Variants in ANKRD23 observed in about 807,000 individuals in gnomAD.
The protein encoded by ANKRD23 is ankyrin repeat domain-containing protein 23.
A neutral mutation model predicts 38.1 loss-of-function variants in ANKRD23; 52 were observed. That is an observed-to-expected ratio of 1.36 (90% CI 1.09 to 1.72). ANKRD23 has a LOEUF of 1.72. ANKRD23 is among the 40% of genes most tolerant of loss of function. ANKRD23 has a pLI of 0.00. For missense variants in ANKRD23, 416 were observed against 400.2 expected (o/e 1.04, Z -0.34); for synonymous variants, 167 against 162.9 (o/e 1.03, Z -0.19).
At position 96,838,789 on chromosome 2, in the gene ANKRD23, G is replaced by A. The variant is rs965224995; in HGVS notation, c.*760C>T. The A allele has an allele frequency of 9.1e-6, 9 of 985,432 alleles. No individual in the cohort carries two copies. The African/African-American group carries it at 1.4e-4, about 15-fold the overall frequency. The allele number at this position is 985,432 out of a possible 1,614,324, so 61.0% of individuals were successfully genotyped here. ...AGCGGGGCCAGTACACAGTGGGTGC[G>A]AGGCTTCTCTCAAATGCGCGCTCCA... On this transcript the variant is annotated 3_prime_UTR_variant, in exon 9 of 9. Transcript: ENST00000318357.
rs2079768324 is a variant in ANKRD23, at chr2:96,842,091, A to G, written c.269T>C (p.Val90Ala). Reference sequence around the variant, plus strand: ...CAGGGGCTCAGGTTTCCTGGGGGGGACTCTGTGTCTCAGTCGCTTTTTCCG... The same window carrying G: ...CAGGGGCTCAGGTTTCCTGGGGGGGGCTCTGTGTCTCAGTCGCTTTTTCCG... ...QRRKKRLRHR[V>A]PPRKPEPLVK... Residue 90 changes from valine (V) to alanine (A), a missense_variant, in exon 3 of 9, where the codon GTC (valine) becomes GCC (alanine). Coordinates refer to ENST00000318357, the MANE Select transcript of ANKRD23 (RefSeq NM_144994.8). The G allele has an allele frequency of 6.2e-7, 1 of 1,613,434 alleles. No homozygotes were observed.
chr2:96,841,158 C>A, intron 3 of ANKRD23: 1 of 454,214 alleles, frequency 2.2e-6, no homozygotes, highest in Non-Finnish European at 3.9e-6. Context: ...ACCCCAGGTA[C>A]CTCAGAATGT....
In ANKRD23 at chr2:96,840,796, G is replaced by A; in HGVS notation, c.417C>T (p.Ala139=). The A allele has an allele frequency of 6.2e-7, 1 of 1,614,168 alleles. No individual in the cohort carries two copies. Among genetic ancestry groups the A allele is most frequent in the Non-Finnish European group, 8.5e-7 (1 of 1,180,036 alleles). Residue 139 remains alanine (A), a synonymous_variant, in exon 4 of 9, where the codon GCC becomes GCT. Coordinates refer to ENST00000318357, the MANE Select transcript of ANKRD23 (RefSeq NM_144994.8). The stretch of plus-strand genomic sequence containing the variant: ...ACCCAACCTGTGCTACCTTGTCATG[G>A]GCATTGGGGTCCCCTCCGTCTGTCA... ...KYLTDGGDPN[A]HDKLHRTALH...
At position 96,838,769 on chromosome 2, in the gene ANKRD23, G is replaced by A; in HGVS notation, c.*780C>T. On this transcript the variant is annotated 3_prime_UTR_variant, in exon 9 of 9. Coordinates refer to ENST00000318357, the MANE Select transcript of ANKRD23 (RefSeq NM_144994.8). ...CGGTGTGCCAGGCCGGCCTGAGCGG[G>A]GCCAGTACACAGTGGGTGCGAGGCT... is the stretch of plus-strand genomic sequence containing the variant. 2.0e-6 allele frequency: 2 copies of A among 985,630 alleles called. No homozygotes were observed. Among genetic ancestry groups the A allele is most frequent in the Non-Finnish European group, 2.4e-6 (2 of 830,088 alleles). The allele number at this position is 985,630 out of a possible 1,614,324, so 61.1% of individuals were successfully genotyped here. A position where few individuals can be genotyped will look rare whatever the true frequency, so the allele number is the denominator to read the frequency against.
At position 96,840,868 on chromosome 2, in the gene ANKRD23, G is replaced by A. The variant is rs749699327; in HGVS notation, c.345C>T (p.Phe115=). Reference sequence around the variant, plus strand: ...CCTGGTTCTCAGCAGCTGCCTTCAGGAACATCTCCAGGCCCACAGGCTCCA... The same window carrying A: ...CCTGGTTCTCAGCAGCTGCCTTCAGAAACATCTCCAGGCCCACAGGCTCCA... ...AQVEPVGLEM[F]LKAAAENQEY... is the part of the protein sequence containing the mutation. The change falls in exon 4 of 9, where the codon TTC becomes TTT. Residue 115 remains phenylalanine (F), a synonymous_variant. Coordinates refer to ENST00000318357, the MANE Select transcript of ANKRD23 (RefSeq NM_144994.8). 17 of 1,614,034 alleles carry A rather than the reference G, an allele frequency of 1.1e-5. No homozygotes were observed. The highest frequency in any genetic ancestry group is 1.4e-5 in the Non-Finnish European group (16 of 1,180,046).
chr2:96,844,000 C>A lies in ANKRD23; in HGVS notation c.-8G>T. 6 of 1,600,206 alleles carry A rather than the reference C, an allele frequency of 3.7e-6. No individual in the cohort carries two copies. The highest frequency in any genetic ancestry group is 2.3e-5 in the East Asian group (1 of 43,446). ...AATGCTGATGAAGTCCATGGTCCCC[C>A]CTGTTCCTCACACCCCCCAGTGAGA... On this transcript the variant is annotated 5_prime_UTR_variant, in exon 1 of 9. Coordinates refer to ENST00000318357, the MANE Select transcript of ANKRD23 (RefSeq NM_144994.8).
chr2:96,839,688 C>T, intron 8 of ANKRD23, 39 bp downstream of exon 8: 2 of 1,594,674 alleles, frequency 1.3e-6, no homozygotes, highest in Non-Finnish European at 1.7e-6. Flanking sequence ...GCGCTCCACC[C>T]GCCCTCGGGT....
At chr2:96,840,654 C>T in intron 4 of ANKRD23, 133 bp downstream of exon 4, 1 of 1,515,528 alleles carries the variant, frequency 6.6e-7, no homozygotes, top group Non-Finnish European at 9.0e-7. Context: ...TCTCCTCCGT[C>T]TGCAGGTGCC....
chr2:96,838,463 A>C lies in ANKRD23; in HGVS notation c.*1086T>G. The C allele has an allele frequency of 1.0e-6, 1 of 985,752 alleles. No homozygotes were observed. The highest frequency in any genetic ancestry group is 1.2e-6 in the Non-Finnish European group (1 of 829,228). 61.1% of individuals were successfully genotyped at this position (985,752 alleles called of 1,614,324 possible). A position where few individuals can be genotyped will look rare whatever the true frequency, so the allele number is the denominator to read the frequency against. On this transcript the variant is annotated 3_prime_UTR_variant, in exon 9 of 9. Coordinates refer to ENST00000318357, the MANE Select transcript of ANKRD23 (RefSeq NM_144994.8). ...TCCTTAGACCACCAGGGAGCAGGGA[A>C]GGGATGGGAAGGGCTGGGGGGCGGC...
rs1212230182 is a variant in ANKRD23 at position 96,839,529 on chromosome 2, G to A, written c.*20C>T. 4.2e-6 allele frequency: 6 copies of A among 1,427,680 alleles called. No individual in the cohort carries two copies. In the African/African-American group the frequency reaches 4.4e-5, roughly 10 times the overall value. The allele number at this position is 1,427,680 out of a possible 1,614,324, so 88.4% of individuals were successfully genotyped here. ...GGAATGGTGGCAGTGCGAAAGGCGCGGCGGGGGGCGGTGCTGCGGTCAGCA... is the reference window on the plus strand; with the variant it reads ...GGAATGGTGGCAGTGCGAAAGGCGCAGCGGGGGGCGGTGCTGCGGTCAGCA... On this transcript the variant is annotated 3_prime_UTR_variant, in exon 9 of 9. Transcript: ENST00000318357.
chr2:96,841,951 A>T, intron 3 of ANKRD23, 109 bp downstream of exon 3: 1 of 1,502,822 alleles, frequency 6.7e-7, no homozygotes. Context: ...TGGGCTCCCC[A>T]GGCACTGGCT....
intron 4 of ANKRD23, 105 bp downstream of exon 4, chr2:96,840,682 A>G: frequency 6.4e-7 from 1 of 1,552,772 alleles, no homozygotes; most frequent in South Asian, 1.2e-5. Context: ...TCATGCCCAT[A>G]AGAGTGAAAA....
At position 96,838,505 on chromosome 2, in the gene ANKRD23, C is replaced by T; in HGVS notation, c.*1044G>A. 2.0e-6 allele frequency: 2 copies of T among 986,084 alleles called. No homozygotes were observed. Among genetic ancestry groups the T allele is most frequent in the Non-Finnish European group, 2.4e-6 (2 of 830,214 alleles). The allele number at this position is 986,084 out of a possible 1,614,324, so 61.1% of individuals were successfully genotyped here. A position where few individuals can be genotyped will look rare whatever the true frequency, so the allele number is the denominator to read the frequency against. ...GGGGGCGGCGGGGGCTCACCTTCCTCTGCTTCCCTGTGGGCTGGGTTCAGA... is the reference window on the plus strand; with the variant it reads ...GGGGGCGGCGGGGGCTCACCTTCCTTTGCTTCCCTGTGGGCTGGGTTCAGA... On this transcript the variant is annotated 3_prime_UTR_variant, in exon 9 of 9. Transcript: ENST00000318357.
At chr2:96,842,218 A>C (rs1166052055) in intron 2 of ANKRD23, 33 bp from the exon 3 acceptor site, 7 of 1,613,326 alleles carry the variant, frequency 4.3e-6, no homozygotes, top group Non-Finnish European at 5.9e-6. Flanking sequence ...GCCAGCCATC[A>C]GCCGCTGGTC....
intron 1 of ANKRD23, 147 bp from the exon 2 acceptor site, chr2:96,842,658 G>C: frequency 1.0e-6 from 1 of 1,000,966 alleles, no homozygotes; most frequent in Non-Finnish European, 1.4e-6. Context: ...AGCTCCTGCA[G>C]TCCAGAGTGC....
chr2:96,839,209 G>C lies in ANKRD23; in HGVS notation c.*340C>G. The C allele has an allele frequency of 1.9e-6, 2 of 1,069,568 alleles. No individual in the cohort carries two copies. The highest frequency in any genetic ancestry group is 2.3e-6 in the Non-Finnish European group (2 of 885,092). The allele number at this position is 1,069,568 out of a possible 1,614,324, so 66.3% of individuals were successfully genotyped here. ...GGACTCCCAGACCCAGCCCTGGGTG[G>C]CTCCAGCTTGGGACTGCTCCCTTAA... On this transcript the variant is annotated 3_prime_UTR_variant, in exon 9 of 9. Coordinates refer to ENST00000318357, the MANE Select transcript of ANKRD23 (RefSeq NM_144994.8).
At chr2:96,840,199 C>G in intron 6 of ANKRD23, 33 bp downstream of exon 6, 1 of 1,594,230 alleles carries the variant, frequency 6.3e-7, no homozygotes, top group Non-Finnish European at 8.6e-7. Flanking sequence ...CTCCCGTGTT[C>G]CCGACAGGCC....
At position 96,840,534 on chromosome 2, in the gene ANKRD23, A is replaced by G; in HGVS notation, c.427-20T>C. ...GTGGAGCTGAGGGCAGAGATGGAAG[A>G]TTAGGCAGAGGGAGTGCAGCCACCC... On this transcript the variant is annotated intron_variant, in intron 4 of 8. Coordinates refer to ENST00000318357, the MANE Select transcript of ANKRD23 (RefSeq NM_144994.8). 1.2e-6 allele frequency: 2 copies of G among 1,612,732 alleles called. No homozygotes were observed. The highest frequency in any genetic ancestry group is 2.2e-5 in the South Asian group (2 of 90,980).
In ANKRD23 at chr2:96,842,502, C is replaced by A. The variant is rs750859744; in HGVS notation, c.37G>T (p.Glu13Ter). ...CCCAACACTTTCCCTTCAACTCTTT[C>A]TCCACTTACCTGTAGGAACAGGATA... is the stretch of plus-strand genomic sequence containing the variant. ...FISIQQLVSG[E>*]RVEGKVLGFG... The change falls in exon 2 of 9, where the codon GAA becomes TAA. Residue 13 changes from glutamate to a stop codon, truncating the protein, a stop_gained. Coordinates refer to ENST00000318357, the MANE Select transcript of ANKRD23 (RefSeq NM_144994.8). LOFTEE classifies it high-confidence loss of function. The A allele has an allele frequency of 3.7e-6, 6 of 1,613,286 alleles. No individual in the cohort carries two copies. The highest frequency in any genetic ancestry group is 2.2e-5 in the East Asian group (1 of 44,892).
Sources: allele counts gnomAD v4.1 joint callset, GRCh38; gene constraint gnomAD v4.1.1; transcripts MANE v1.5; gene names NCBI Gene and HGNC (gene_info 2026-07-23, HGNC 2026-07-21).